The following NINL variants were observed in gnomAD, a reference collection of about 807,000 sequenced individuals.
The protein encoded by NINL is ninein like.
NINL carries 153 observed loss-of-function variants against 160.3 expected under a neutral mutation model. The ratio of observed to expected loss-of-function variants is 0.95; its 90% CI spans 0.84 to 1.09. The LOEUF (loss-of-function observed/expected upper bound fraction) is 1.09. NINL is among the 50% of genes least tolerant of loss of function. The pLI is 0.00. For missense variants in NINL, 1,829 were observed against 1,764.0 expected (o/e 1.04, Z -0.66); for synonymous variants, 800 against 734.8 (o/e 1.09, Z -1.43).
At chr20:25,545,806 TCTA>T (rs930379567) in intron 1 of NINL, among the ~76,000 whole-genome samples, 6 of 152,128 alleles carry the variant, frequency 3.9e-5, no homozygotes, top group African/African-American at 1.4e-4. Context: ...GTGGGGAAAA[TCTA>T]CATTCTGAAG....
intron 1 of NINL, among the ~76,000 whole-genome samples, chr20:25,580,520 C>A (rs1336622494): frequency 6.6e-6 from 1 of 152,102 alleles, no homozygotes; most frequent in Admixed American, 6.5e-5. Flanking sequence ...TTGAGGGAAA[C>A]GGGTCACCTC....
intron 17 of NINL, among the ~76,000 whole-genome samples, chr20:25,471,944 T>C (rs1381495421): frequency 2.6e-5 from 4 of 152,156 alleles, no homozygotes; most frequent in African/African-American, 9.7e-5. Flanking sequence ...AAGCCAGAAT[T>C]CAATCCTCTA....
At chr20:25,515,512 G>A (rs190928846) in intron 3 of NINL, among the ~76,000 whole-genome samples, 129 of 152,290 alleles carry the variant, frequency 8.5e-4, no homozygotes, top group Admixed American at 1.9e-3. Context: ...GACTCTGGGA[G>A]ACTTGTTACA....
At position 25,476,645 on chromosome 20, in the gene NINL, G is replaced by C; in HGVS notation, c.2646C>G (p.Ala882=). 1.9e-6 allele frequency: 3 copies of C among 1,589,646 alleles called. No homozygotes were observed. Among genetic ancestry groups the C allele is most frequent in the Non-Finnish European group, 2.6e-6 (3 of 1,174,258 alleles). Residue 882 remains alanine, a synonymous_variant, in exon 17 of 24, where the codon GCC becomes GCG. Transcript: ENST00000278886. ...AAGAGPRRRQ[A]QDTEATQSPA... The stretch of plus-strand genomic sequence containing the variant: ...GGCTCTGCGTAGCTTCTGTGTCCTG[G>C]GCTTGCCTGCGGCGAGGCCCGGCTC...
chr20:25,551,417 A>G (rs1267163004), intron 1 of NINL, among the ~76,000 whole-genome samples: 1 of 152,222 alleles, frequency 6.6e-6, no homozygotes, highest in Non-Finnish European at 1.5e-5. Flanking sequence ...AGAAAAGAAA[A>G]TATGAACCTG....
chr20:25,504,763 G>C, intron 6 of NINL, 125 bp downstream of exon 6: 2 of 1,011,486 alleles, frequency 2.0e-6, no homozygotes, highest in Non-Finnish European at 2.9e-6. Context: ...AGCCACCAAA[G>C]GATTTTAGAT....
rs1457045668 is a variant in NINL at position 25,500,945 on chromosome 20, C to T, written c.927G>A (p.Leu309=). 6.2e-7 allele frequency: 1 copy of T among 1,614,230 alleles called. No homozygotes were observed. The highest frequency in any genetic ancestry group is 1.1e-5 in the South Asian group (1 of 91,080). Residue 309 remains leucine (L), a synonymous_variant, in exon 8 of 24, where the codon CTG becomes CTA. Coordinates refer to ENST00000278886, the MANE Select transcript of NINL (RefSeq NM_025176.6). ...TSSLVSLCSS[L]RLFSSIDDGS... Reference sequence around the variant, plus strand: ...CATCGTCAATGCTGGAGAAGAGGCGCAGGCTGGAGCACAGGGACACGAGGG... The same window carrying T: ...CATCGTCAATGCTGGAGAAGAGGCGTAGGCTGGAGCACAGGGACACGAGGG...
At chr20:25,475,896 A>T in intron 17 of NINL, 147 bp downstream of exon 17, 1 of 784,696 alleles carries the variant, frequency 1.3e-6, no homozygotes, top group Non-Finnish European at 2.0e-6. Flanking sequence ...ACCCCTACTC[A>T]GGCTGAAGGG....
intron 2 of NINL, among the ~76,000 whole-genome samples, chr20:25,525,909 A>G (rs556223033): frequency 2.0e-5 from 3 of 152,194 alleles, no homozygotes; most frequent in Non-Finnish European, 2.9e-5. Context: ...TCTGGCCTAG[A>G]TGAAATTATG....
At chr20:25,462,666 G>A (rs997026671) in intron 19 of NINL, 125 bp from the exon 20 acceptor site, 164 of 905,920 alleles carry the variant, frequency 1.8e-4, no homozygotes, top group Non-Finnish European at 2.6e-4. Flanking sequence ...GTTTTGTTTT[G>A]TTTTTCAAGA....
chr20:25,510,786 G>C (rs762913726), intron 4 of NINL, 46 bp from the exon 5 acceptor site: 1 of 1,429,256 alleles, frequency 7.0e-7, no homozygotes, highest in East Asian at 2.3e-5. Flanking sequence ...AGGGGGTGCT[G>C]CTGGGGACGG....
chr20:25,542,185 A>G (rs999043852), intron 1 of NINL, among the ~76,000 whole-genome samples: 2 of 152,190 alleles, frequency 1.3e-5, no homozygotes, highest in Non-Finnish European at 1.5e-5. Flanking sequence ...AATGAAGCAG[A>G]CTTTGCCTTG....
In NINL at chr20:25,479,001, T is replaced by G. The variant is rs2063327312; in HGVS notation, c.2123A>C (p.Gln708Pro). ...GGTGCAGCAGGGTGCCAGGCCCATC[T>G]GCTCAGGCTCGGGGCCGCGGGCTGT... ...QDTARGPEPE[Q>P]MGLAPCCTQA... The change falls in exon 16 of 24, where the codon CAG becomes CCG. Residue 708 changes from glutamine (Q) to proline (P), a missense_variant. Gln to Pro is a moderately conservative substitution (Grantham distance 76). Coordinates refer to ENST00000278886, the MANE Select transcript of NINL (RefSeq NM_025176.6). The G allele has an allele frequency of 1.2e-6, 2 of 1,607,168 alleles. No homozygotes were observed. Among genetic ancestry groups the G allele is most frequent in the Non-Finnish European group, 8.5e-7 (1 of 1,179,274 alleles).
Position 25,462,387 on chromosome 20 carries a change from T to G in NINL, c.3578A>C (p.Gln1193Pro). 1 of 1,593,296 alleles carries G rather than the reference T, an allele frequency of 6.3e-7. No homozygotes were observed. Among genetic ancestry groups the G allele is most frequent in the South Asian group, 1.1e-5 (1 of 89,186 alleles). ...CCTGCGGCTGAGGCCACCCACCTGCTGCTGCCCACTGCGAACCACCTCCTC... is the reference window on the plus strand; with the variant it reads ...CCTGCGGCTGAGGCCACCCACCTGCGGCTGCCCACTGCGAACCACCTCCTC... Reference protein sequence around the residue: ...SLEEVVRSGQQQSDQIQKLRV... With the variant: ...SLEEVVRSGQPQSDQIQKLRV... The change falls in exon 20 of 24, where the codon CAG (glutamine) becomes CCG (proline). Residue 1193 changes from glutamine to proline, a missense_variant. Coordinates refer to ENST00000278886, the MANE Select transcript of NINL (RefSeq NM_025176.6).
At chr20:25,573,297 CA>C (rs960087203) in intron 1 of NINL, among the ~76,000 whole-genome samples, 141 of 51,514 alleles carry the variant, frequency 2.7e-3, no homozygotes, top group Middle Eastern at 0.033. Flanking sequence ...AACTCCATCT[CA>C]AAAAAAAAAA....
intron 1 of NINL, among the ~76,000 whole-genome samples, chr20:25,530,989 C>A (rs184046515): frequency 6.6e-6 from 1 of 152,078 alleles, no homozygotes; most frequent in Non-Finnish European, 1.5e-5. Context: ...AGCCTGGGAG[C>A]GCTACGGGAG....
chr20:25,562,992 C>T (rs1234884098), intron 1 of NINL, among the ~76,000 whole-genome samples: 1 of 152,056 alleles, frequency 6.6e-6, no homozygotes, highest in Non-Finnish European at 1.5e-5. Flanking sequence ...CGGTGAAATC[C>T]CATCTCTACT....
chr20:25,513,883 G>C (rs2064117838), intron 3 of NINL, among the ~76,000 whole-genome samples: 1 of 152,172 alleles, frequency 6.6e-6, no homozygotes, highest in Non-Finnish European at 1.5e-5. Flanking sequence ...GGAACTGTGA[G>C]TCAATTAAAA....
rs758202558 is a variant in NINL, at chr20:25,489,971, T to C, written c.1500A>G (p.Leu500=). ...LTLALKENSR[L]QKEIVEVVEK... ...CCACCACTTCCACAATCTCCTTCTG[T>C]AGGCGACTGTTTTCCTAGGAGACAC... The change falls in exon 12 of 24, where the codon CTA becomes CTG. Residue 500 remains leucine (L), a synonymous_variant. Transcript: ENST00000278886. 19 of 1,614,026 alleles carry C rather than the reference T, an allele frequency of 1.2e-5. No individual in the cohort carries two copies. The highest frequency in any genetic ancestry group is 1.7e-5 in the Admixed American group (1 of 60,012).
Sources: gnomAD v4.1 joint callset for allele counts (sites outside exome capture counted in the v4.1 genomes callset) on GRCh38, gnomAD v4.1.1 for gene constraint, MANE v1.5 for transcripts, NCBI Gene and HGNC (gene_info 2026-07-23, HGNC 2026-07-21) for gene names.